Variants in ZNF233 observed in about 807,000 individuals in gnomAD.
ZNF233 encodes zinc finger protein 233.
In ZNF233, 7 loss-of-function variants were observed where a neutral mutation model predicts 11.6. That is an observed-to-expected ratio of 0.60 (90% CI 0.34 to 1.13). ZNF233 has a LOEUF of 1.13. ZNF233 is among the 50% of genes most tolerant of loss of function. ZNF233 has a pLI of 0.03. For synonymous variants in ZNF233, 226 were observed against 268.5 expected, an observed-to-expected ratio of 0.84 and a Z score of 1.55; for missense variants, 711 against 785.5, an observed-to-expected ratio of 0.91 and a Z score of 1.13.
At chr19:44,269,444 T>C (rs991702263) in intron 4 of ZNF233, among the ~76,000 whole-genome samples, 19 of 152,134 alleles carry the variant, frequency 1.2e-4, no homozygotes, top group African/African-American at 4.3e-4. Flanking sequence ...TATAGGCGCA[T>C]GCCACCACAC....
rs777964554 is a variant in ZNF233, at chr19:44,264,411, C to T, written c.15+36C>T. ...TTTTGATTTTTATCTCTTAAAATGA[C>T]ATCTCTTTTCCTCAAAGATTAGACA... On this transcript the variant is annotated intron_variant, in intron 2 of 4. Transcript: ENST00000683810. 8.2e-6 allele frequency: 13 copies of T among 1,594,472 alleles called. No homozygotes were observed. In the Admixed American group the frequency reaches 1.8e-4, roughly 21 times the overall value.
At chr19:44,263,164 CATAATTCATATACCAT>C (rs1568632352) in intron 1 of ZNF233, among the ~76,000 whole-genome samples, 1 of 152,158 alleles carries the variant, frequency 6.6e-6, no homozygotes, top group African/African-American at 2.4e-5. Context: ...AAAATTGAGT[CATAATTCATATACCAT>C]ATAATTCACC....
Position 44,274,669 on chromosome 19 carries a change from C to A in ZNF233, c.2009C>A (p.Pro670Gln). ...TTGTCTTCAGATTCATCAGAGAGTC[C>A]ATGATGGTGATGAATCTATTAATCA... ...SSLSSDSSES[P>Q] is the part of the protein sequence containing the mutation. Residue 670 changes from proline to glutamine, a missense_variant, in exon 5 of 5, where the codon CCA becomes CAA. Transcript: ENST00000683810. 1 of 1,588,450 alleles carries A rather than the reference C, an allele frequency of 6.3e-7. No homozygotes were observed. The highest frequency in any genetic ancestry group is 1.1e-5 in the South Asian group (1 of 87,386).
At chr19:44,267,615 C>A (rs1975127112) in intron 4 of ZNF233, 2 of 386,320 alleles carry the variant, frequency 5.2e-6, no homozygotes, top group African/African-American at 2.1e-5. Context: ...CTCCTGAGCT[C>A]AAGCAATCCT....
intron 1 of ZNF233, among the ~76,000 whole-genome samples, chr19:44,261,733 C>T (rs1403701041): frequency 6.7e-6 from 1 of 149,324 alleles, no homozygotes; most frequent in Non-Finnish European, 1.5e-5. Flanking sequence ...CTCACTGCAA[C>T]CTCCCACTCC....
chr19:44,266,528 T>C (rs1223490758), intron 3 of ZNF233, among the ~76,000 whole-genome samples: 1 of 152,178 alleles, frequency 6.6e-6, no homozygotes, highest in East Asian at 1.9e-4. Flanking sequence ...AATCAGTTGG[T>C]GAGTTACATT....
intron 4 of ZNF233, among the ~76,000 whole-genome samples, chr19:44,272,500 C>T (rs1045111847): frequency 2.6e-5 from 4 of 151,948 alleles, no homozygotes; most frequent in South Asian, 2.1e-4. Flanking sequence ...TTTGGGAGGC[C>T]GAGGCGGGCG....
Position 44,273,414 on chromosome 19 carries a change from A to G in ZNF233, c.754A>G (p.Ile252Val). 6.2e-7 allele frequency: 1 copy of G among 1,614,250 alleles called. No homozygotes were observed. Among genetic ancestry groups the G allele is most frequent in the Non-Finnish European group, 8.5e-7 (1 of 1,180,050 alleles). Residue 252 changes from isoleucine (I) to valine (V), a missense_variant, in exon 5 of 5, where the codon ATA becomes GTA. Coordinates refer to ENST00000683810, the MANE Select transcript of ZNF233 (RefSeq NM_001207005.2). ...TGTGAAGGAATCATCCCAGCATAGC[A>G]TAATCCAATCAGGAGAGCAAACCTC... ...DCVKESSQHSIIQSGEQTSDE... is the reference protein window; with the variant it reads ...DCVKESSQHSVIQSGEQTSDE...
chr19:44,266,698 C>T (rs748768678), intron 3 of ZNF233, among the ~76,000 whole-genome samples, 168 bp from the exon 4 acceptor site: 12 of 152,154 alleles, frequency 7.9e-5, no homozygotes, highest in Non-Finnish European at 1.8e-4. Context: ...CAGTGATTTA[C>T]ATTTATGTAT....
At position 44,274,173 on chromosome 19, in the gene ZNF233, G is replaced by C. The variant is rs1975326045; in HGVS notation, c.1513G>C (p.Glu505Gln). 1 of 1,614,004 alleles carries C rather than the reference G, an allele frequency of 6.2e-7. No individual in the cohort carries two copies. Among genetic ancestry groups the C allele is most frequent in the Admixed American group, 1.7e-5 (1 of 59,990 alleles). Reference sequence around the variant, plus strand: ...GGCCCATCAGAGAGTCCATACAGGAGAGAAACCCTACAAATGTGACACATG... The same window carrying C: ...GGCCCATCAGAGAGTCCATACAGGACAGAAACCCTACAAATGTGACACATG... ...LQAHQRVHTG[E>Q]KPYKCDTCGK... Residue 505 changes from glutamate (E) to glutamine (Q), a missense_variant, in exon 5 of 5, where the codon GAG (glutamate) becomes CAG (glutamine). Coordinates refer to ENST00000683810, the MANE Select transcript of ZNF233 (RefSeq NM_001207005.2).
At chr19:44,260,422 C>T (rs1207476184) in intron 1 of ZNF233, among the ~76,000 whole-genome samples, 1 of 152,078 alleles carries the variant, frequency 6.6e-6, no homozygotes, top group African/African-American at 2.4e-5. Flanking sequence ...TCTGTGAGCC[C>T]GCAGTGGGTT....
Position 44,274,635 on chromosome 19 carries a change from A to T in ZNF233, c.1975A>T (p.Lys659Ter). 1 of 1,588,950 alleles carries T rather than the reference A, an allele frequency of 6.3e-7. No individual in the cohort carries two copies. Among genetic ancestry groups the T allele is most frequent in the South Asian group, 1.1e-5 (1 of 90,332 alleles). ...TTTTGTGTGTGGTAAGGGCTTTAGTAAGAGTTCGTTGTCTTCAGATTCATC... is the reference window on the plus strand; with the variant it reads ...TTTTGTGTGTGGTAAGGGCTTTAGTTAGAGTTCGTTGTCTTCAGATTCATC... ...KCFVCGKGFSKSSLSSDSSES... is the reference protein window; with the variant it reads ...KCFVCGKGFS The change falls in exon 5 of 5, where the codon AAG becomes TAG. Residue 659 changes from lysine to a stop codon, truncating the protein, a stop_gained. Coordinates refer to ENST00000683810, the MANE Select transcript of ZNF233 (RefSeq NM_001207005.2). LOFTEE classifies it low-confidence loss of function (END_TRUNC).
intron 4 of ZNF233, among the ~76,000 whole-genome samples, chr19:44,272,608 G>A (rs551493763): frequency 3.3e-5 from 5 of 151,730 alleles, no homozygotes; most frequent in South Asian, 2.1e-4. Context: ...GGTGGCAGGC[G>A]CCTGTAGTCC....
chr19:44,267,892 C>T (rs1397097022), intron 4 of ZNF233: 1 of 152,264 alleles, frequency 6.6e-6, no homozygotes, highest in African/African-American at 2.4e-5. Context: ...TCACTGCAAC[C>T]TCTGACTCCC....
intron 1 of ZNF233, among the ~76,000 whole-genome samples, chr19:44,260,482 G>A (rs182619138): frequency 6.6e-4 from 100 of 152,242 alleles, no homozygotes; most frequent in Non-Finnish European, 1.3e-3. Flanking sequence ...TCTGCACCTC[G>A]CGAGGCTGTT....
Position 44,274,712 on chromosome 19 carries a change from GTGCTC to G in ZNF233, c.*41_*45del. On this transcript the variant is annotated 3_prime_UTR_variant, in exon 5 of 5. Transcript: ENST00000683810. ...ATTAATCATGATGAGTGTGATAGGG[GTGCTC>G]TTCAAGACTTAGACTTCCCATTTTC... is the stretch of plus-strand genomic sequence containing the variant. The G allele has an allele frequency of 6.8e-7, 1 of 1,479,610 alleles. No homozygotes were observed. The highest frequency in any genetic ancestry group is 1.4e-5 in the South Asian group (1 of 73,386). The allele number at this position is 1,479,610 out of a possible 1,614,324, so 91.7% of individuals were successfully genotyped here. A position where few individuals can be genotyped will look rare whatever the true frequency, so the allele number is the denominator to read the frequency against.
chr19:44,271,172 AAGG>A (rs1290739610), intron 4 of ZNF233, among the ~76,000 whole-genome samples: 1 of 152,238 alleles, frequency 6.6e-6, no homozygotes, highest in East Asian at 1.9e-4. Context: ...CATTGAAAAG[AAGG>A]AGAATTCTCT....
chr19:44,267,751 C>G (rs1975130967), intron 4 of ZNF233: 1 of 219,926 alleles, frequency 4.5e-6, no homozygotes, highest in Non-Finnish European at 8.8e-6. Flanking sequence ...CCTCATACAT[C>G]CTCTTGGCTC....
At chr19:44,260,907 T>C (rs994273350) in intron 1 of ZNF233, among the ~76,000 whole-genome samples, 2 of 152,226 alleles carry the variant, frequency 1.3e-5, no homozygotes, top group African/African-American at 4.8e-5. Flanking sequence ...ATAATAAAAT[T>C]TGTTAATACG....
Sources: allele counts gnomAD v4.1 joint callset (sites outside exome capture counted in the v4.1 genomes callset), GRCh38; gene constraint gnomAD v4.1.1; transcripts MANE v1.5; gene names NCBI Gene and HGNC (gene_info 2026-07-23, HGNC 2026-07-21).